Variants in PIK3R1 observed in about 807,000 individuals in gnomAD.
The protein encoded by PIK3R1 is phosphatidylinositol 3-kinase regulatory subunit alpha.
A neutral mutation model predicts 98.0 loss-of-function variants in PIK3R1; 29 were observed. The ratio of observed to expected loss-of-function variants is 0.30; its 90% CI spans 0.22 to 0.40. PIK3R1 has a LOEUF of 0.40. Ranked by LOEUF, PIK3R1 falls within the 10% of genes least tolerant of loss-of-function variation. The pLI is 1.00. For missense variants in PIK3R1, 596 were observed against 872.7 expected, an observed-to-expected ratio of 0.68 and a Z score of 3.99; for synonymous variants, 282 against 311.8, an observed-to-expected ratio of 0.90 and a Z score of 1.01.
chr5:68,299,004 C>T lies in PIK3R1; in HGVS notation c.*1403C>T. 4.3e-6 allele frequency: 1 copy of T among 233,516 alleles called. No homozygotes were observed. The highest frequency in any genetic ancestry group is 8.5e-6 in the Non-Finnish European group (1 of 117,948). The allele number at this position is 233,516 out of a possible 1,614,324, so 14.5% of individuals were successfully genotyped here. A position where few individuals can be genotyped will look rare whatever the true frequency, so the allele number is the denominator to read the frequency against. On this transcript the variant is annotated 3_prime_UTR_variant, in exon 16 of 16. Transcript: ENST00000521381. ...TGCTTCTTCTACTTCAGTCTTCTCT[C>T]ACTTTGATTTGCTAGTTGTTATCAA...
intron 7 of PIK3R1, among the ~76,000 whole-genome samples, chr5:68,281,575 A>C (rs1178775130): frequency 6.6e-6 from 1 of 152,234 alleles, no homozygotes; most frequent in Admixed American, 6.5e-5. Flanking sequence ...TTAGCAATGC[A>C]TTTAATTTAA....
intron 2 of PIK3R1, among the ~76,000 whole-genome samples, chr5:68,272,272 A>G (rs970299786): frequency 1.1e-4 from 17 of 151,104 alleles, no homozygotes; most frequent in African/African-American, 3.4e-4. Context: ...AAAAAAAAAG[A>G]AAAAGGAAAT....
intron 2 of PIK3R1, among the ~76,000 whole-genome samples, chr5:68,250,560 C>T (rs952625963): frequency 1.3e-5 from 2 of 152,182 alleles, no homozygotes; most frequent in African/African-American, 4.8e-5. Flanking sequence ...AAAACATGCC[C>T]GTTTGCAGTC....
rs2112269725 is a variant in PIK3R1 at position 68,294,619 on chromosome 5, G to A, written c.1509G>A (p.Arg503=). The stretch of plus-strand genomic sequence containing the variant: ...AAGAACAGTGCCAGACCCAAGAGCG[G>A]TACAGCAAAGAATACATAGAAAAGT... ...IFEEQCQTQE[R]YSKEYIEKFK... The change falls in exon 12 of 16, where the codon CGG becomes CGA. Residue 503 remains arginine, a synonymous_variant. Coordinates refer to ENST00000521381, the MANE Select transcript of PIK3R1 (RefSeq NM_181523.3). 1.2e-6 allele frequency: 2 copies of A among 1,611,840 alleles called. No homozygotes were observed. Among genetic ancestry groups the A allele is most frequent in the East Asian group, 4.5e-5 (2 of 44,730 alleles).
At chr5:68,259,997 C>A (rs949376952) in intron 2 of PIK3R1, among the ~76,000 whole-genome samples, 1 of 152,080 alleles carries the variant, frequency 6.6e-6, no homozygotes, top group South Asian at 2.1e-4. Context: ...GATGATAGAA[C>A]CTTTCTTATA....
rs533719279 is a variant in PIK3R1 at position 68,225,314 on chromosome 5, G to A, written c.-386-976G>A. Reference sequence around the variant, plus strand: ...AATTCAGCCTTGCCTAATTGTGGCCGATTGCCAAATCCCTAGCATGTTTCC... The same window carrying A: ...AATTCAGCCTTGCCTAATTGTGGCCAATTGCCAAATCCCTAGCATGTTTCC... On this transcript the variant is annotated intron_variant, in intron 1 of 15. Coordinates refer to ENST00000521381, the MANE Select transcript of PIK3R1 (RefSeq NM_181523.3). 5.9e-5 allele frequency among the ~76,000 whole-genome samples: 9 copies of A among 151,312 alleles called. No individual in the cohort carries two copies. The South Asian group carries it at 8.3e-4, about 14-fold the overall frequency.
chr5:68,256,798 G>A (rs1745537374), intron 2 of PIK3R1, among the ~76,000 whole-genome samples: 1 of 152,054 alleles, frequency 6.6e-6, no homozygotes, highest in Non-Finnish European at 1.5e-5. Context: ...GAAAAAACAA[G>A]TGCTCAAGAC....
intron 2 of PIK3R1, among the ~76,000 whole-genome samples, chr5:68,251,422 A>C (rs1022430970): frequency 1.3e-5 from 2 of 151,806 alleles, no homozygotes; most frequent in African/African-American, 2.4e-5. Flanking sequence ...TTAAAAAAAT[A>C]ATAATTTTTA....
intron 7 of PIK3R1, among the ~76,000 whole-genome samples, chr5:68,285,501 A>G (rs911851360): frequency 5.3e-5 from 8 of 152,342 alleles, no homozygotes; most frequent in African/African-American, 1.9e-4. Context: ...GAAAAATTAC[A>G]TGTTTGTAGA....
intron 7 of PIK3R1, chr5:68,288,558 G>A (rs1747194104): frequency 6.0e-6 from 9 of 1,507,766 alleles, no homozygotes. Flanking sequence ...TGCACGCCCG[G>A]AGGGTCCTGG....
chr5:68,295,006 A>G (rs2112273152), intron 12 of PIK3R1, 142 bp from the exon 13 acceptor site: 1 of 310,962 alleles, frequency 3.2e-6, no homozygotes, highest in Non-Finnish European at 5.6e-6. Context: ...AGCCACTCCA[A>G]AAAAAAAAAA....
intron 2 of PIK3R1, among the ~76,000 whole-genome samples, chr5:68,240,594 G>A (rs1170419632): frequency 1.3e-5 from 2 of 152,180 alleles, no homozygotes; most frequent in East Asian, 3.8e-4. Flanking sequence ...TCTTTGCCAG[G>A]AACCTGAGTC....
At chr5:68,216,074 G>A (rs368577012) in intron 1 of PIK3R1, 125 bp downstream of exon 1, 2 of 152,330 alleles carry the variant, frequency 1.3e-5, no homozygotes, top group East Asian at 3.9e-4. Flanking sequence ...AGCCCCGCCG[G>A]GGGGAAGCGG....
At chr5:68,266,638 G>A (rs74626412) in intron 2 of PIK3R1, among the ~76,000 whole-genome samples, 1,902 of 152,248 alleles carry the variant, frequency 0.012, 41 homozygotes, top group African/African-American at 0.043. Context: ...AAAGAAGGGA[G>A]GCTTGCAGGA....
At position 68,299,884 on chromosome 5, in the gene PIK3R1, C is replaced by T. The variant is rs994181904; in HGVS notation, c.*2283C>T. On this transcript the variant is annotated 3_prime_UTR_variant, in exon 16 of 16. Transcript: ENST00000521381. ...GATCTGACCATTTCCCTCTCATCGC[C>T]AGACAACTGACGATTTCCCTGGTTT... The T allele has an allele frequency of 4.3e-6, 1 of 233,218 alleles. No homozygotes were observed. Among genetic ancestry groups the T allele is most frequent in the Non-Finnish European group, 8.5e-6 (1 of 118,010 alleles). 14.4% of individuals were successfully genotyped at this position (233,218 alleles called of 1,614,324 possible).
chr5:68,289,261 T>G (rs1747247616), intron 7 of PIK3R1, among the ~76,000 whole-genome samples: 2 of 152,148 alleles, frequency 1.3e-5, no homozygotes, highest in Admixed American at 1.3e-4. Context: ...CATTTTTATT[T>G]GAATTTGAGT....
intron 2 of PIK3R1, among the ~76,000 whole-genome samples, chr5:68,272,553 T>A (rs1746407521): frequency 6.6e-6 from 1 of 151,990 alleles, no homozygotes. Flanking sequence ...GTCTTATTTA[T>A]TTTTTTTGGA....
chr5:68,297,021 C>T (rs1231294890), intron 15 of PIK3R1, among the ~76,000 whole-genome samples: 2 of 152,186 alleles, frequency 1.3e-5, no homozygotes, highest in Non-Finnish European at 1.5e-5. Flanking sequence ...TATGAATAGT[C>T]ATAATGGGAG....
At chr5:68,248,578 G>A (rs761605573) in intron 2 of PIK3R1, among the ~76,000 whole-genome samples, 17 of 151,840 alleles carry the variant, frequency 1.1e-4, no homozygotes, top group Non-Finnish European at 2.5e-4. Flanking sequence ...TTTTCTTTAC[G>A]TCTGTTCATA....
Sources: gnomAD v4.1 joint callset for allele counts (sites outside exome capture counted in the v4.1 genomes callset) on GRCh38, gnomAD v4.1.1 for gene constraint, MANE v1.5 for transcripts, NCBI Gene and HGNC (gene_info 2026-07-23, HGNC 2026-07-21) for gene names.